The following ELFN2 variants were observed in gnomAD, a reference collection of about 807,000 sequenced individuals.
The protein encoded by ELFN2 is extracellular leucine rich repeat and fibronectin type III domain containing 2.
A neutral mutation model predicts 45.5 loss-of-function variants in ELFN2; 17 were observed. That is an observed-to-expected ratio of 0.37 (90% CI 0.26 to 0.56). The LOEUF is 0.56. Among genes scored for constraint, ELFN2 ranks in the 20% least tolerant of loss-of-function variants. ELFN2 has a pLI of 0.77. For synonymous variants in ELFN2, 550 were observed against 551.5 expected, an observed-to-expected ratio of 1.00 and a Z score of 0.04; for missense variants, 922 against 1,183.2, an observed-to-expected ratio of 0.78 and a Z score of 3.24.
At chr22:37,421,294 C>G (rs983730403) in intron 1 of ELFN2, among the ~76,000 whole-genome samples, 4 of 152,214 alleles carry the variant, frequency 2.6e-5, no homozygotes, top group Admixed American at 1.3e-4. Context: ...TTTCACAATC[C>G]TCCAGCCAAA....
At chr22:37,419,994 G>A (rs993408791) in intron 1 of ELFN2, among the ~76,000 whole-genome samples, 3 of 152,202 alleles carry the variant, frequency 2.0e-5, no homozygotes, top group African/African-American at 7.2e-5. Flanking sequence ...TTGGCTGCGA[G>A]CGTCAGGGGC....
In ELFN2 at chr22:37,352,909, A is replaced by G. The variant is rs533526693; in HGVS notation, n.149-10206T>C. ...GGCTGCTGGGCACAGGTCGGGGTGG[A>G]GGATGGCCAGAGCTGAAGCAGGCAG... On this transcript the variant is annotated intron_variant and non_coding_transcript_variant, in intron 1 of 2. Coordinates refer to ENST00000452946, the Ensembl canonical transcript of ELFN2. Among the ~76,000 whole-genome samples the G allele has an allele frequency of 9.8e-4, 148 of 150,976 alleles. 6 individuals carry two copies. Among genetic ancestry groups the G allele is most frequent in the Admixed American group, 1.8e-3 (28 of 15,144 alleles).
At chr22:37,348,927 GC>G (rs1262615437) in intron 1 of ELFN2, among the ~76,000 whole-genome samples, 2 of 150,842 alleles carry the variant, frequency 1.3e-5, no homozygotes, top group Non-Finnish European at 3.0e-5. Context: ...GAGCCCTGGG[GC>G]CTGGGGAGGT....
chr22:37,378,442 G>A (rs1931643757), intron 2 of ELFN2, among the ~76,000 whole-genome samples: 1 of 152,242 alleles, frequency 6.6e-6, no homozygotes, highest in Non-Finnish European at 1.5e-5. Context: ...GGAAAGCCCA[G>A]GCCCTGCCAA....
At chr22:37,406,728 G>C (rs1033508924) in intron 2 of ELFN2, among the ~76,000 whole-genome samples, 1 of 152,280 alleles carries the variant, frequency 6.6e-6, no homozygotes, top group Non-Finnish European at 1.5e-5. Flanking sequence ...GGGAGGCTGA[G>C]GGGGAAGCTG....
intron 2 of ELFN2, among the ~76,000 whole-genome samples, chr22:37,377,322 C>T (rs578182130): frequency 5.7e-4 from 87 of 152,282 alleles, no homozygotes; most frequent in Admixed American, 1.1e-3. Flanking sequence ...TGGGAACAGC[C>T]CAGTTCTCCC....
In ELFN2 at chr22:37,370,428, C is replaced by T. The variant is rs1931333706; in HGVS notation, c.*2644G>A. On this transcript the variant is annotated 3_prime_UTR_variant, in exon 3 of 3. Transcript: ENST00000402918. Reference sequence around the variant, plus strand: ...TCAGCAGTGTGACTGATCCTCCACCCCAGCTGGCCAGCCAATTCACCAGGC... The same window carrying T: ...TCAGCAGTGTGACTGATCCTCCACCTCAGCTGGCCAGCCAATTCACCAGGC... 6.6e-6 allele frequency: 1 copy of T among 152,266 alleles called. No homozygotes were observed. Among genetic ancestry groups the T allele is most frequent in the African/African-American group, 2.4e-5 (1 of 41,442 alleles). The allele number at this position is 152,266 out of a possible 1,614,324, so 9.4% of individuals were successfully genotyped here. A position where few individuals can be genotyped will look rare whatever the true frequency, so the allele number is the denominator to read the frequency against.
chr22:37,400,374 C>T (rs965963570), intron 2 of ELFN2, among the ~76,000 whole-genome samples: 4 of 152,314 alleles, frequency 2.6e-5, no homozygotes, highest in Admixed American at 6.5e-5. Context: ...CGGAGGCCCA[C>T]ACACCTGTGC....
intron 1 of ELFN2, among the ~76,000 whole-genome samples, chr22:37,344,351 A>G (rs913122147): frequency 3.3e-5 from 5 of 151,128 alleles, no homozygotes; most frequent in Non-Finnish European, 4.4e-5. Flanking sequence ...TATCTCCTAC[A>G]CTCACACACA....
At chr22:37,397,561 C>T (rs1368854420) in intron 2 of ELFN2, among the ~76,000 whole-genome samples, 1 of 152,152 alleles carries the variant, frequency 6.6e-6, no homozygotes, top group Non-Finnish European at 1.5e-5. Flanking sequence ...GGAGGGGGAA[C>T]GTGGACAGAG....
rs367945618 is a variant in ELFN2, at chr22:37,373,665, C to T, written c.1870G>A (p.Val624Met). The T allele has an allele frequency of 3.8e-6, 6 of 1,572,506 alleles. No individual in the cohort carries two copies. Among genetic ancestry groups the T allele is most frequent in the Middle Eastern group, 1.7e-4 (1 of 5,862 alleles). The change falls in exon 3 of 3, where the codon GTG (valine) becomes ATG (methionine). Residue 624 changes from valine (V) to methionine (M), a missense_variant. Physicochemically the swap from Val to Met is conservative, Grantham distance 21. Around this residue, in one of 2 missense-constraint regions of ELFN2, gnomAD observed 564 missense variants for 642.8 expected, o/e 0.88. Transcript: ENST00000402918. The stretch of plus-strand genomic sequence containing the variant: ...GACACGCTGCAGGTCTTGCGGGTCA[C>T]GGCCGCGTCGGCGCTCAGCTGGCGC... ...LQRQLSADAA[V>M]TRKTCSVSSS...
intron 1 of ELFN2, among the ~76,000 whole-genome samples, chr22:37,355,443 G>A (rs1008495395): frequency 2.0e-5 from 3 of 152,328 alleles, no homozygotes; most frequent in Middle Eastern, 3.4e-3. Context: ...GGGTGCGCTC[G>A]CCCTGAGACC....
intron 1 of ELFN2, among the ~76,000 whole-genome samples, chr22:37,361,929 A>G (rs1420016562): frequency 1.3e-5 from 2 of 152,196 alleles, no homozygotes; most frequent in Non-Finnish European, 2.9e-5. Flanking sequence ...AAAGGGTCTC[A>G]CAGGCATGCA....
intron 2 of ELFN2, among the ~76,000 whole-genome samples, chr22:37,382,566 A>G (rs753845111): frequency 7.2e-6 from 1 of 138,970 alleles, no homozygotes; most frequent in African/African-American, 2.8e-5. Context: ...TTTTTTTAAA[A>G]ACAGACTCTA....
intron 1 of ELFN2, among the ~76,000 whole-genome samples, chr22:37,360,135 C>G (rs1428945929): frequency 2.0e-5 from 3 of 152,124 alleles, no homozygotes; most frequent in Non-Finnish European, 2.9e-5. Context: ...ACTCTTCAAT[C>G]TGGTCTAGAG....
intron 2 of ELFN2, among the ~76,000 whole-genome samples, chr22:37,395,489 G>T (rs896154245): frequency 6.6e-6 from 1 of 152,212 alleles, no homozygotes; most frequent in South Asian, 2.1e-4. Flanking sequence ...AAGTGGCAGG[G>T]CCTGAGACAC....
At chr22:37,400,900 A>C (rs1041112251) in intron 2 of ELFN2, among the ~76,000 whole-genome samples, 1 of 152,256 alleles carries the variant, frequency 6.6e-6, no homozygotes, top group African/African-American at 2.4e-5. Flanking sequence ...GTAATCCCTA[A>C]GTGGCGAAAA....
rs1238514938 is a variant in ELFN2, at chr22:37,368,496, A to G, written c.*4576T>C. The G allele has an allele frequency of 6.6e-6, 1 of 152,314 alleles. No individual in the cohort carries two copies. The highest frequency in any genetic ancestry group is 1.5e-5 in the Non-Finnish European group (1 of 68,084). The allele number at this position is 152,314 out of a possible 1,614,324, so 9.4% of individuals were successfully genotyped here. A position where few individuals can be genotyped will look rare whatever the true frequency, so the allele number is the denominator to read the frequency against. ...CCTGAAGCCGCCTCTGGAGGCAAGC[A>G]GTATGGACCCTGGTTTTGTCTTAGA... On this transcript the variant is annotated 3_prime_UTR_variant, in exon 3 of 3. Coordinates refer to ENST00000402918, the MANE Select transcript of ELFN2 (RefSeq NM_052906.5).
intron 1 of ELFN2, among the ~76,000 whole-genome samples, chr22:37,358,402 C>T (rs55661941): frequency 0.016 from 2,391 of 152,332 alleles, 29 homozygotes; most frequent in Non-Finnish European, 0.023. Context: ...CCAGGTCCGC[C>T]GGGGCGAGCC....
Sources: gnomAD v4.1 joint callset for allele counts (sites outside exome capture counted in the v4.1 genomes callset) on GRCh38, gnomAD v4.1.1 for gene constraint, gnomAD v4.1.1 regional missense constraint, MANE v1.5 for transcripts, NCBI Gene and HGNC (gene_info 2026-07-23, HGNC 2026-07-21) for gene names.